PPP2R3A: variants seen among roughly 807,000 people sequenced by gnomAD.
The protein encoded by PPP2R3A is protein phosphatase 2 regulatory subunit B''alpha.
PPP2R3A carries 80 observed loss-of-function variants against 106.9 expected under a neutral mutation model. The ratio of observed to expected loss-of-function variants is 0.75; its 90% CI spans 0.62 to 0.90. The LOEUF is 0.90. Ranked by LOEUF, PPP2R3A falls within the 40% of genes least tolerant of loss-of-function variation. PPP2R3A has a pLI of 0.00. For missense variants in PPP2R3A, 1,386 were observed against 1,350.4 expected, an observed-to-expected ratio of 1.03 and a Z score of -0.41; for synonymous variants, 483 against 468.3, an observed-to-expected ratio of 1.03 and a Z score of -0.41.
At chr3:136,139,901 G>A (rs917626455) in intron 13 of PPP2R3A, among the ~76,000 whole-genome samples, 6 of 151,262 alleles carry the variant, frequency 4.0e-5, no homozygotes, top group African/African-American at 7.3e-5. Flanking sequence ...AGCTACTCAG[G>A]AGGCTGAGGC....
intron 13 of PPP2R3A, among the ~76,000 whole-genome samples, chr3:136,136,359 C>G (rs1359603843): frequency 6.6e-6 from 1 of 152,132 alleles, no homozygotes; most frequent in East Asian, 1.9e-4. Flanking sequence ...TACCTAACCT[C>G]TCTGAAGTAG....
chr3:136,001,749 G>C lies in PPP2R3A; in HGVS notation c.251G>C (p.Gly84Ala), dbSNP rs781631946. 3 of 1,614,144 alleles carry C rather than the reference G, an allele frequency of 1.9e-6. No individual in the cohort carries two copies. In the South Asian group the frequency reaches 3.3e-5, roughly 18 times the overall value. ...GAAAATGGGCTTTCTTCGGCTGAAG[G>C]AGACTATCCCCAACAGGCCTTCACA... is the stretch of plus-strand genomic sequence containing the variant. ...PHENGLSSAE[G>A]DYPQQAFTGI... Residue 84 changes from glycine to alanine, a missense_variant, in exon 2 of 14, where the codon GGA becomes GCA. Physicochemically the swap from Gly to Ala is moderately conservative, Grantham distance 60 (BLOSUM62 0). Transcript: ENST00000264977.
chr3:135,993,547 A>G (rs1186819107), intron 1 of PPP2R3A, among the ~76,000 whole-genome samples: 2 of 152,264 alleles, frequency 1.3e-5, no homozygotes, highest in Admixed American at 1.3e-4. Flanking sequence ...TAATTACCCA[A>G]AAGAAATGAA....
In PPP2R3A at chr3:136,006,530, A is replaced by G. The variant is rs547757589; in HGVS notation, c.1995+3037A>G. On this transcript the variant is annotated intron_variant, in intron 2 of 13. Transcript: ENST00000264977. ...CCCTTTGCAAGACAAACCAACAAAC[A>G]AACAACCCAGTGCTTTAAAAATGTA... Among the ~76,000 whole-genome samples, 528 of 152,326 alleles carry G rather than the reference A, an allele frequency of 3.5e-3. 4 individuals carry two copies. The highest frequency in any genetic ancestry group is 0.012 in the African/African-American group (490 of 41,564).
At position 136,087,842 on chromosome 3, in the gene PPP2R3A, T is replaced by A. The variant is rs775243458; in HGVS notation, c.2789-41T>A. The stretch of plus-strand genomic sequence containing the variant: ...AAAAGTATTGCCTTTATGGAGCATG[T>A]TTCTAACTAGCTTTGCAATTTTTTT... On this transcript the variant is annotated intron_variant, in intron 8 of 13. Transcript: ENST00000264977. 2.6e-6 allele frequency: 4 copies of A among 1,536,842 alleles called. No homozygotes were observed. In the East Asian group the frequency reaches 9.0e-5, roughly 35 times the overall value.
intron 13 of PPP2R3A, among the ~76,000 whole-genome samples, chr3:136,135,363 A>G (rs941306884): frequency 6.6e-6 from 1 of 152,232 alleles, no homozygotes; most frequent in African/African-American, 2.4e-5. Context: ...AGGAAAGGAA[A>G]GGAAAAAGCC....
At chr3:136,116,223 A>G (rs1479007146) in intron 13 of PPP2R3A, among the ~76,000 whole-genome samples, 1 of 152,218 alleles carries the variant, frequency 6.6e-6, no homozygotes, top group Non-Finnish European at 1.5e-5. Flanking sequence ...GGCCTGCCCT[A>G]AAAGAGCTCC....
chr3:136,112,958 C>T (rs146163443), intron 13 of PPP2R3A, among the ~76,000 whole-genome samples: 133 of 152,114 alleles, frequency 8.7e-4, no homozygotes, highest in African/African-American at 2.8e-3. Context: ...CATGATAAAA[C>T]CCCGTCTCTA....
chr3:135,986,518 T>C (rs1932925438), intron 1 of PPP2R3A, among the ~76,000 whole-genome samples: 1 of 152,144 alleles, frequency 6.6e-6, no homozygotes, highest in African/African-American at 2.4e-5. Flanking sequence ...TATACTAGAT[T>C]TCTCCAGCCA....
At chr3:136,057,019 G>C (rs948199207) in intron 5 of PPP2R3A, among the ~76,000 whole-genome samples, 26 of 151,992 alleles carry the variant, frequency 1.7e-4, no homozygotes, top group African/African-American at 6.3e-4. Flanking sequence ...AAAATGGCTT[G>C]TATTAAAAAG....
At position 136,002,096 on chromosome 3, in the gene PPP2R3A, A is replaced by T; in HGVS notation, c.598A>T (p.Met200Leu). The T allele has an allele frequency of 6.2e-7, 1 of 1,614,140 alleles. No homozygotes were observed. The highest frequency in any genetic ancestry group is 8.5e-7 in the Non-Finnish European group (1 of 1,180,006). Reference sequence around the variant, plus strand: ...CTCACTGGATACGAACCTGACTTCCATGTTTCTTCAAAACTTTTCTGAAGA... The same window carrying T: ...CTCACTGGATACGAACCTGACTTCCTTGTTTCTTCAAAACTTTTCTGAAGA... ...RNSLDTNLTS[M>L]FLQNFSEEDL... Residue 200 changes from methionine (M) to leucine (L), a missense_variant, in exon 2 of 14, where the codon ATG (methionine) becomes TTG (leucine). Met to Leu is a conservative substitution (Grantham distance 15). Coordinates refer to ENST00000264977, the MANE Select transcript of PPP2R3A (RefSeq NM_002718.5).
intron 1 of PPP2R3A, among the ~76,000 whole-genome samples, chr3:135,988,320 C>T (rs186576243): frequency 1.3e-5 from 2 of 151,732 alleles, no homozygotes; most frequent in East Asian, 3.9e-4. Context: ...TTCTATAAAA[C>T]CCACTCATGT....
chr3:136,081,110 A>C (rs1427889911), intron 7 of PPP2R3A, among the ~76,000 whole-genome samples: 2 of 151,784 alleles, frequency 1.3e-5, no homozygotes, highest in Admixed American at 6.6e-5. Flanking sequence ...TTTCTGCCTC[A>C]GCCTCCCAAG....
At chr3:136,006,037 C>A (rs1346923183) in intron 2 of PPP2R3A, among the ~76,000 whole-genome samples, 2 of 152,162 alleles carry the variant, frequency 1.3e-5, no homozygotes, top group Non-Finnish European at 2.9e-5. Context: ...GTCCTGTGTT[C>A]CTGGCTAACA....
At chr3:136,035,178 G>C (rs1413511932) in intron 3 of PPP2R3A, among the ~76,000 whole-genome samples, 4 of 152,090 alleles carry the variant, frequency 2.6e-5, no homozygotes, top group African/African-American at 9.7e-5. Flanking sequence ...CTTCAATTCT[G>C]TATCTTTAAG....
chr3:136,112,364 T>C (rs905441820), intron 13 of PPP2R3A, among the ~76,000 whole-genome samples: 2 of 152,184 alleles, frequency 1.3e-5, no homozygotes, highest in Admixed American at 6.5e-5. Context: ...TCTTTGCAGA[T>C]GATATAATTC....
chr3:136,067,459 G>C (rs1936293382), intron 5 of PPP2R3A, among the ~76,000 whole-genome samples: 1 of 152,218 alleles, frequency 6.6e-6, no homozygotes, highest in African/African-American at 2.4e-5. Context: ...TCTAGTCATA[G>C]TGCAAGAATG....
chr3:136,071,257 C>T (rs945060726), intron 6 of PPP2R3A, among the ~76,000 whole-genome samples: 1 of 152,232 alleles, frequency 6.6e-6, no homozygotes. Context: ...CTAAACAGGG[C>T]CGTCTCCTCT....
intron 1 of PPP2R3A, among the ~76,000 whole-genome samples, chr3:135,988,207 C>G (rs1445823706): frequency 1.3e-5 from 2 of 151,502 alleles, no homozygotes; most frequent in Admixed American, 1.3e-4. Context: ...TGCAGTCTTT[C>G]CAGTCTCAAT....
Sources: gnomAD v4.1 joint callset for allele counts (sites outside exome capture counted in the v4.1 genomes callset) on GRCh38, gnomAD v4.1.1 for gene constraint, MANE v1.5 for transcripts, NCBI Gene and HGNC (gene_info 2026-07-23, HGNC 2026-07-21) for gene names.